The following ATG10 variants were observed in gnomAD, a reference collection of about 807,000 sequenced individuals.
ATG10 encodes ubiquitin-like-conjugating enzyme ATG10.
ATG10 carries 30 observed loss-of-function variants against 32.1 expected under a neutral mutation model. The ratio of observed to expected loss-of-function variants is 0.94; its 90% confidence interval spans 0.70 to 1.27. The LOEUF (loss-of-function observed/expected upper bound fraction) is 1.27. ATG10 is among the 50% of genes most tolerant of loss of function. The pLI, the probability that ATG10 is intolerant of heterozygous loss-of-function variation, is 0.00. For missense variants in ATG10, 233 were observed against 262.3 expected, an observed-to-expected ratio of 0.89 and a Z score of 0.77; for synonymous variants, 87 against 91.5, an observed-to-expected ratio of 0.95 and a Z score of 0.28.
At chr5:82,034,211 T>C (rs1444441859) in intron 2 of ATG10, among the ~76,000 whole-genome samples, 2 of 152,030 alleles carry the variant, frequency 1.3e-5, no homozygotes, top group African/African-American at 4.8e-5. Context: ...TCATTTTTAC[T>C]ACCCAGCCCC....
intron 3 of ATG10, among the ~76,000 whole-genome samples, chr5:82,109,704 G>C (rs1399750783): frequency 6.6e-6 from 1 of 151,584 alleles, no homozygotes; most frequent in Non-Finnish European, 1.5e-5. Flanking sequence ...ACCAGAAATA[G>C]AATTTTCTTC....
At chr5:82,031,332 G>C (rs943477173) in intron 2 of ATG10, among the ~76,000 whole-genome samples, 2 of 150,134 alleles carry the variant, frequency 1.3e-5, no homozygotes, top group Non-Finnish European at 3.0e-5. Context: ...ATTTATCAAG[G>C]TTAATTATAA....
At chr5:82,147,269 A>G (rs528779384) in intron 3 of ATG10, 17 of 220,244 alleles carry the variant, frequency 7.7e-5, no homozygotes, top group African/African-American at 3.3e-4. Context: ...TCTGGGTTCA[A>G]GCAGTTCTCC....
intron 3 of ATG10, among the ~76,000 whole-genome samples, chr5:82,141,584 G>A (rs1364860143): frequency 6.6e-6 from 1 of 151,548 alleles, no homozygotes; most frequent in Non-Finnish European, 1.5e-5. Context: ...AGACTGAAGA[G>A]ATGAAAAAAA....
intron 3 of ATG10, among the ~76,000 whole-genome samples, chr5:82,113,332 G>A (rs1229646561): frequency 3.3e-5 from 5 of 151,952 alleles, no homozygotes; most frequent in Non-Finnish European, 5.9e-5. Flanking sequence ...ATGCTAAGAA[G>A]CAATGCAGAG....
At chr5:82,025,356 T>C (rs73768611) in intron 2 of ATG10, among the ~76,000 whole-genome samples, 9,974 of 152,250 alleles carry the variant, frequency 0.066, 1,089 homozygotes, top group African/African-American at 0.23. Context: ...TTATGATGCA[T>C]TAGCTTTTTT....
chr5:82,033,630 G>A (rs1169565871), intron 2 of ATG10, among the ~76,000 whole-genome samples: 1 of 151,550 alleles, frequency 6.6e-6, no homozygotes. Flanking sequence ...CCAACAACTA[G>A]ACATTGGAGT....
At chr5:82,199,787 A>G (rs1223337139) in intron 5 of ATG10, among the ~76,000 whole-genome samples, 1 of 151,976 alleles carries the variant, frequency 6.6e-6, no homozygotes, top group Non-Finnish European at 1.5e-5. Flanking sequence ...CCTCCACCCA[A>G]ATTCCCTTGT....
chr5:82,080,364 G>T (rs1282775124), intron 3 of ATG10, among the ~76,000 whole-genome samples: 4 of 152,048 alleles, frequency 2.6e-5, no homozygotes, highest in South Asian at 2.1e-4. Context: ...CTCTTTAGTT[G>T]AATTAGATCC....
chr5:82,239,565 G>GGA (rs1473887187), intron 5 of ATG10, among the ~76,000 whole-genome samples: 3 of 152,160 alleles, frequency 2.0e-5, no homozygotes, highest in Non-Finnish European at 4.4e-5. Flanking sequence ...GGTGAAGGAG[G>GGA]GAGAGAGGAT....
intron 3 of ATG10, among the ~76,000 whole-genome samples, chr5:82,150,411 T>C (rs902146669): frequency 6.6e-6 from 1 of 152,240 alleles, no homozygotes; most frequent in African/African-American, 2.4e-5. Flanking sequence ...TGCAAATAAT[T>C]CTTTGCCATT....
chr5:82,212,623 A>G (rs1410976535), intron 5 of ATG10, among the ~76,000 whole-genome samples: 1 of 152,256 alleles, frequency 6.6e-6, no homozygotes, highest in Non-Finnish European at 1.5e-5. Flanking sequence ...TTGAAAGCAC[A>G]TAGTATTGGG....
At chr5:81,984,209 G>A (rs965144492) in intron 1 of ATG10, among the ~76,000 whole-genome samples, 5 of 152,254 alleles carry the variant, frequency 3.3e-5, no homozygotes, top group African/African-American at 9.6e-5. Context: ...CGGATCACTC[G>A]CGGTTAGGAG....
intron 3 of ATG10, among the ~76,000 whole-genome samples, chr5:82,114,983 A>C (rs1252009238): frequency 6.6e-6 from 1 of 152,108 alleles, no homozygotes; most frequent in Non-Finnish European, 1.5e-5. Context: ...CTGAATATTT[A>C]ATGTTATTCA....
At chr5:81,988,162 C>T (rs923795950) in intron 2 of ATG10, among the ~76,000 whole-genome samples, 13 of 152,012 alleles carry the variant, frequency 8.6e-5, no homozygotes, top group African/African-American at 2.9e-4. Context: ...TTTTTGAGAT[C>T]ATCTCACTCT....
intron 5 of ATG10, among the ~76,000 whole-genome samples, chr5:82,240,731 T>C (rs950687352): frequency 4.6e-5 from 7 of 152,184 alleles, no homozygotes; most frequent in Admixed American, 2.6e-4. Context: ...GACTGACCAT[T>C]ACACATTGTA....
At chr5:82,096,305 A>G (rs1417538975) in intron 3 of ATG10, among the ~76,000 whole-genome samples, 1 of 152,168 alleles carries the variant, frequency 6.6e-6, no homozygotes, top group African/African-American at 2.4e-5. Flanking sequence ...AATTTAAGCC[A>G]TTTTTGCTAT....
At chr5:82,159,813 C>A (rs943971565) in intron 3 of ATG10, among the ~76,000 whole-genome samples, 10 of 152,116 alleles carry the variant, frequency 6.6e-5, no homozygotes, top group South Asian at 4.1e-4. Context: ...TAGTTTTTAA[C>A]AAGCCTCAAA....
intron 5 of ATG10, among the ~76,000 whole-genome samples, chr5:82,227,120 C>G (rs569961539): frequency 1.3e-5 from 2 of 152,152 alleles, no homozygotes; most frequent in East Asian, 3.9e-4. Flanking sequence ...ATTTTCAGAT[C>G]TTCTATTCCT....
Sources: gnomAD v4.1 joint callset for allele counts (sites outside exome capture counted in the v4.1 genomes callset) on GRCh38, gnomAD v4.1.1 for gene constraint, MANE v1.5 for transcripts, NCBI Gene and HGNC (gene_info 2026-07-23, HGNC 2026-07-21) for gene names.